Variants in PPARGC1A observed in about 807,000 individuals in gnomAD.
PPARGC1A encodes the protein PPARG coactivator 1 alpha.
A neutral mutation model predicts 88.7 loss-of-function variants in PPARGC1A; 25 were observed. The ratio of observed to expected loss-of-function variants is 0.28; its 90% CI spans 0.21 to 0.39. The LOEUF (loss-of-function observed/expected upper bound fraction) is 0.39, where lower values mean the gene tolerates loss of function less well. Among genes scored for constraint, PPARGC1A ranks in the 10% least tolerant of loss-of-function variants. PPARGC1A has a pLI of 1.00. For missense variants in PPARGC1A, 880 were observed against 968.7 expected (o/e 0.91, Z 1.22); for synonymous variants, 363 against 355.6 (o/e 1.02, Z -0.24).
chr4:23,802,401 C>A (rs762041240), intron 10 of PPARGC1A, 56 bp from the exon 11 acceptor site: 7 of 1,608,012 alleles, frequency 4.4e-6, no homozygotes, highest in Non-Finnish European at 6.0e-6. Context: ...AGCCCTCGGC[C>A]GGGCACAGTG....
At chr4:23,965,494 T>C in the PPARGC1A span, among the ~76,000 whole-genome samples, 1 of 152,226 alleles carries the variant, frequency 6.6e-6, no homozygotes, top group Admixed American at 6.5e-5. Context: ...CCCTTATTCA[T>C]TGTGCCTCTC....
chr4:24,054,515 CT>C, the PPARGC1A span, among the ~76,000 whole-genome samples: 3 of 152,120 alleles, frequency 2.0e-5, no homozygotes, highest in Non-Finnish European at 4.4e-5. Context: ...TGTCACTAAT[CT>C]TATTTGTAGC....
the PPARGC1A span, among the ~76,000 whole-genome samples, chr4:24,085,987 C>T: frequency 1.3e-5 from 2 of 152,096 alleles, no homozygotes; most frequent in African/African-American, 4.8e-5. Flanking sequence ...CTTCCAACAG[C>T]TCTTGGCACA....
chr4:23,925,393 C>T, the PPARGC1A span, among the ~76,000 whole-genome samples: 1 of 152,112 alleles, frequency 6.6e-6, no homozygotes, highest in African/African-American at 2.4e-5. Flanking sequence ...GGTAATACAC[C>T]TGTTAAAGGA....
chr4:24,157,321 T>A, the PPARGC1A span, among the ~76,000 whole-genome samples: 1 of 152,220 alleles, frequency 6.6e-6, no homozygotes, highest in Non-Finnish European at 1.5e-5. Context: ...CTTCTCTGAA[T>A]CGATCTGCAA....
At chr4:23,797,963 TG>T (rs1717933905) in intron 12 of PPARGC1A, among the ~76,000 whole-genome samples, 1 of 152,142 alleles carries the variant, frequency 6.6e-6, no homozygotes, top group Non-Finnish European at 1.5e-5. Context: ...GAAGTGAAAA[TG>T]GCCTGTTCCT....
At chr4:24,439,266 G>C in the PPARGC1A span, among the ~76,000 whole-genome samples, 37 of 152,296 alleles carry the variant, frequency 2.4e-4, no homozygotes, top group Admixed American at 1.2e-3. Context: ...CCTAAGGAAA[G>C]GCTCAGGTGA....
At chr4:23,849,689 A>G (rs567125890) in intron 2 of PPARGC1A, among the ~76,000 whole-genome samples, 7 of 152,288 alleles carry the variant, frequency 4.6e-5, no homozygotes, top group African/African-American at 1.7e-4. Context: ...TTAATTCTGG[A>G]TAATATTTTT....
At chr4:23,896,889 G>A (rs1254813482) in intron 1 of PPARGC1A, among the ~76,000 whole-genome samples, 1 of 152,154 alleles carries the variant, frequency 6.6e-6, no homozygotes, top group Non-Finnish European at 1.5e-5. Flanking sequence ...CACTGGAGAT[G>A]ACTGAAATTG....
the PPARGC1A span, among the ~76,000 whole-genome samples, chr4:23,918,796 T>C: frequency 0.017 from 2,548 of 152,296 alleles, 68 homozygotes; most frequent in African/African-American, 0.057. Context: ...ATTTGATCAT[T>C]CCAGGGCTCT....
At chr4:23,854,419 C>A (rs903593750) in intron 2 of PPARGC1A, among the ~76,000 whole-genome samples, 1 of 152,116 alleles carries the variant, frequency 6.6e-6, no homozygotes, top group Admixed American at 6.5e-5. Flanking sequence ...GAAATGAAGG[C>A]ACATCATCAG....
the PPARGC1A span, among the ~76,000 whole-genome samples, chr4:23,910,222 A>AATATATTATATATAATATAT: frequency 1.1e-5 from 1 of 87,858 alleles, no homozygotes; most frequent in Non-Finnish European, 2.3e-5. Flanking sequence ...TATAATATAT[A>AATATATTATATATAATATAT]ATATATTATA....
At chr4:23,812,065 G>A (rs909609378) in intron 10 of PPARGC1A, among the ~76,000 whole-genome samples, 1 of 151,288 alleles carries the variant, frequency 6.6e-6, no homozygotes, top group African/African-American at 2.4e-5. Context: ...TTACAGGCAT[G>A]CACCACCACG....
At chr4:24,465,469 T>G in the PPARGC1A span, among the ~76,000 whole-genome samples, 1 of 152,266 alleles carries the variant, frequency 6.6e-6, no homozygotes, top group Non-Finnish European at 1.5e-5. Context: ...TAATGCCGTC[T>G]GCTGTACACA....
the PPARGC1A span, among the ~76,000 whole-genome samples, chr4:24,082,519 G>C: frequency 2.6e-5 from 4 of 152,162 alleles, no homozygotes; most frequent in African/African-American, 9.7e-5. Context: ...GAATGATTGA[G>C]TAGTGAATTA....
chr4:23,971,077 C>T, the PPARGC1A span, among the ~76,000 whole-genome samples: 1 of 152,158 alleles, frequency 6.6e-6, no homozygotes, highest in African/African-American at 2.4e-5. Context: ...CTCCACGCTC[C>T]AATTTCCAAG....
At chr4:24,303,855 G>T in the PPARGC1A span, among the ~76,000 whole-genome samples, 1 of 152,146 alleles carries the variant, frequency 6.6e-6, no homozygotes, top group Non-Finnish European at 1.5e-5. Context: ...CTCCATGTCT[G>T]GTTTAACTAA....
the PPARGC1A span, among the ~76,000 whole-genome samples, chr4:24,144,937 T>G: frequency 2.0e-5 from 3 of 151,966 alleles, no homozygotes; most frequent in Non-Finnish European, 4.4e-5. Flanking sequence ...TTTCAGGTTT[T>G]TTTTTTTTTT....
chr4:23,881,015 G>A (rs2148820305), intron 2 of PPARGC1A: 1 of 152,304 alleles, frequency 6.6e-6, no homozygotes, highest in South Asian at 2.1e-4. Flanking sequence ...CAGGGACAAG[G>A]TTGCCCACAG....
Sources: gnomAD v4.1 joint callset for allele counts (sites outside exome capture counted in the v4.1 genomes callset) on GRCh38, gnomAD v4.1.1 for gene constraint, MANE v1.5 for transcripts, NCBI Gene and HGNC (gene_info 2026-07-23, HGNC 2026-07-21) for gene names.